The following CD3E variants were observed in gnomAD, a reference collection of about 807,000 sequenced individuals.
CD3E encodes the protein T-cell surface glycoprotein CD3 epsilon chain.
CD3E carries 16 observed loss-of-function variants against 34.7 expected under a neutral mutation model. The observed-to-expected ratio is 0.46, with a 90% confidence interval of 0.31 to 0.70. The LOEUF (loss-of-function observed/expected upper bound fraction) is 0.70. Ranked by LOEUF, CD3E falls within the 30% of genes least tolerant of loss-of-function variation. The pLI is 0.05. For synonymous variants in CD3E, 70 were observed against 90.8 expected, an observed-to-expected ratio of 0.77 and a Z score of 1.30; for missense variants, 223 against 253.9, an observed-to-expected ratio of 0.88 and a Z score of 0.83.
In CD3E at chr11:118,304,920, A is replaced by G. The variant is rs1324633404; in HGVS notation, c.-33A>G. The stretch of plus-strand genomic sequence containing the variant: ...AGTAGTAAGTCTGCTGGCCTCCGCC[A>G]TCTTAGTAAAGTAACAGTCCCATGA... On this transcript the variant is annotated 5_prime_UTR_variant, in exon 2 of 9. Coordinates refer to ENST00000361763, the MANE Select transcript of CD3E (RefSeq NM_000733.4). 1.9e-6 allele frequency: 3 copies of G among 1,609,936 alleles called. No homozygotes were observed. The highest frequency in any genetic ancestry group is 4.5e-5 in the East Asian group (2 of 44,858).
intron 2 of CD3E, 119 bp downstream of exon 2, chr11:118,305,120 T>G: frequency 1.0e-6 from 1 of 967,922 alleles, no homozygotes; most frequent in South Asian, 1.3e-5. Flanking sequence ...AGGAACTGTT[T>G]GTGCTATGTT....
chr11:118,306,486 GATAAATAAATAAATAAATAA>G (rs141298357), intron 2 of CD3E, among the ~76,000 whole-genome samples: 17 of 145,394 alleles, frequency 1.2e-4, no homozygotes, highest in African/African-American at 3.1e-4. Context: ...TCTCAAAATA[GATAAATAAATAAATAAATAA>G]ATAAATAAAT....
chr11:118,307,721 T>G (rs555379303), intron 3 of CD3E, among the ~76,000 whole-genome samples: 93 of 152,330 alleles, frequency 6.1e-4, no homozygotes, highest in African/African-American at 1.5e-3. Flanking sequence ...AATATATGTG[T>G]GTACATGTGT....
intron 4 of CD3E, among the ~76,000 whole-genome samples, chr11:118,311,066 A>G (rs1367955783): frequency 6.6e-6 from 1 of 152,222 alleles, no homozygotes; most frequent in African/African-American, 2.4e-5. Context: ...TAATTTTCGC[A>G]AAAACTTTGT....
intron 8 of CD3E, 123 bp downstream of exon 8, chr11:118,314,617 T>C (rs899624268): frequency 2.4e-6 from 2 of 848,198 alleles, no homozygotes; most frequent in Non-Finnish European, 3.9e-6. Context: ...AGGGCTTCCA[T>C]TACAACCCTC....
intron 2 of CD3E, among the ~76,000 whole-genome samples, chr11:118,305,689 T>G (rs1948101779): frequency 4.6e-5 from 7 of 152,252 alleles, no homozygotes; most frequent in Admixed American, 4.6e-4. Context: ...ATTTTGACTA[T>G]ATAAACTGAT....
intron 4 of CD3E, among the ~76,000 whole-genome samples, chr11:118,311,501 T>C (rs1452885508): frequency 6.6e-6 from 1 of 152,258 alleles, no homozygotes; most frequent in Non-Finnish European, 1.5e-5. Flanking sequence ...CACTTTTTAT[T>C]GGAAGAAGCA....
chr11:118,311,656 C>T (rs540839946), intron 4 of CD3E, among the ~76,000 whole-genome samples: 1 of 152,304 alleles, frequency 6.6e-6, no homozygotes, highest in East Asian at 1.9e-4. Flanking sequence ...ATAGGTAAGT[C>T]CACGAATCAG....
intron 1 of CD3E, 21 bp from the exon 2 acceptor site, chr11:118,304,873 T>C: frequency 1.6e-6 from 2 of 1,227,692 alleles, no homozygotes; most frequent in South Asian, 2.4e-5. Context: ...GAAAAAGTCA[T>C]CTGTTTTGCT....
intron 6 of CD3E, chr11:118,313,398 T>C (rs751820710): frequency 2.3e-5 from 10 of 431,900 alleles, no homozygotes; most frequent in Non-Finnish European, 3.9e-5. Context: ...AGTATCATTT[T>C]ATTCCCATGA....
chr11:118,304,796 A>C lies in CD3E; in HGVS notation c.-60+20A>C. 3 of 764,842 alleles carry C rather than the reference A, an allele frequency of 3.9e-6. No individual in the cohort carries two copies. The South Asian group carries it at 4.1e-5, about 10-fold the overall frequency. 47.4% of individuals were successfully genotyped at this position (764,842 alleles called of 1,614,324 possible). A position where few individuals can be genotyped will look rare whatever the true frequency, so the allele number is the denominator to read the frequency against. On this transcript the variant is annotated intron_variant, in intron 1 of 8. Transcript: ENST00000361763. ...AAAATGGTGAGTCTCTCTCTTATAAAGCCCTCCTTTTTCATCCTAGCATTG... is the reference window on the plus strand; with the variant it reads ...AAAATGGTGAGTCTCTCTCTTATAACGCCCTCCTTTTTCATCCTAGCATTG...
chr11:118,312,980 TCCTC>T lies in CD3E; in HGVS notation c.352+117_352+120del, dbSNP rs781706629. The T allele has an allele frequency of 1.6e-4, 184 of 1,157,594 alleles. 3 individuals carry two copies. The South Asian group carries it at 2.1e-3, about 13-fold the overall frequency. The allele number at this position is 1,157,594 out of a possible 1,614,324, so 71.7% of individuals were successfully genotyped here. ...CACAGTGCCCAGGCGTCTTTGCGCT[TCCTC>T]CCACACTCAATCCTGGGACTCTCTG... On this transcript the variant is annotated intron_variant, in intron 6 of 8. Coordinates refer to ENST00000361763, the MANE Select transcript of CD3E (RefSeq NM_000733.4).
At chr11:118,305,812 C>T (rs1300465695) in intron 2 of CD3E, among the ~76,000 whole-genome samples, 1 of 152,186 alleles carries the variant, frequency 6.6e-6, no homozygotes, top group Non-Finnish European at 1.5e-5. Flanking sequence ...ACTGTTTGTA[C>T]TCTAAATGGC....
At chr11:118,314,281 G>C (rs892078396) in intron 7 of CD3E, among the ~76,000 whole-genome samples, 167 bp from the exon 8 acceptor site, 1 of 151,916 alleles carries the variant, frequency 6.6e-6, no homozygotes, top group African/African-American at 2.4e-5. Context: ...GGTCCTTAGA[G>C]ATGAATGAAA....
chr11:118,308,580 G>C, intron 4 of CD3E, 139 bp downstream of exon 4: 1 of 695,164 alleles, frequency 1.4e-6, no homozygotes, highest in Non-Finnish European at 2.6e-6. Context: ...GGATCCGTAT[G>C]AAACTTGCCT....
chr11:118,312,976 C>A (rs760088280), intron 6 of CD3E, 110 bp downstream of exon 6: 2 of 1,206,666 alleles, frequency 1.7e-6, no homozygotes, highest in Non-Finnish European at 1.2e-6. Context: ...GGCGTCTTTG[C>A]GCTTCCTCCC....
chr11:118,310,349 C>T (rs1238456410), intron 4 of CD3E, among the ~76,000 whole-genome samples: 2 of 152,196 alleles, frequency 1.3e-5, no homozygotes, highest in South Asian at 2.1e-4. Flanking sequence ...TCATTTAGCT[C>T]CCACTTCTAA....
intron 7 of CD3E, 44 bp from the exon 8 acceptor site, chr11:118,314,404 G>T (rs200004680): frequency 2.6e-6 from 4 of 1,559,814 alleles, no homozygotes; most frequent in East Asian, 2.2e-5. Flanking sequence ...CTGCAAGATT[G>T]GTTCCCTCAT....
In CD3E at chr11:118,312,860, G is replaced by A; in HGVS notation, c.346G>A (p.Ala116Thr). The change falls in exon 6 of 9, where the codon GCA (alanine) becomes ACA (threonine). Residue 116 changes from alanine to threonine, a missense_variant. Ala to Thr is a moderately conservative substitution (Grantham distance 58, BLOSUM62 0). Transcript: ENST00000361763. ...EDANFYLYLR[A>T]RVCENCMEMD... ...TGCGAACTTTTATCTCTACCTGAGG[G>A]CAAGAGGTAATCCAGGTCTCCAGAA... 6.2e-7 allele frequency: 1 copy of A among 1,614,106 alleles called. No homozygotes were observed. The highest frequency in any genetic ancestry group is 8.5e-7 in the Non-Finnish European group (1 of 1,180,034).
Sources: gnomAD v4.1 joint callset for allele counts (sites outside exome capture counted in the v4.1 genomes callset) on GRCh38, gnomAD v4.1.1 for gene constraint, MANE v1.5 for transcripts, NCBI Gene and HGNC (gene_info 2026-07-23, HGNC 2026-07-21) for gene names.